Variants in UHRF1 observed in about 807,000 individuals in gnomAD.
The protein encoded by UHRF1 is ubiquitin like with PHD and ring finger domains 1, also known as E3 ubiquitin-protein ligase UHRF1.
UHRF1 carries 9 observed loss-of-function variants against 96.5 expected under a neutral mutation model. The ratio of observed to expected loss-of-function variants is 0.09; its 90% CI spans 0.06 to 0.16. The LOEUF (loss-of-function observed/expected upper bound fraction) is 0.16, where lower values mean the gene tolerates loss of function less well. UHRF1 is among the 10% of genes least tolerant of loss of function. The probability of loss-of-function intolerance (pLI) is 1.00; values close to 1 mark genes in which losing one functional copy is unlikely to be tolerated. For missense variants in UHRF1, 626 were observed against 1,131.1 expected (o/e 0.55, Z 6.40); for synonymous variants, 455 against 469.9 (o/e 0.97, Z 0.41).
chr19:4,919,540 G>T (rs2032634836), intron 2 of UHRF1, among the ~76,000 whole-genome samples: 1 of 151,904 alleles, frequency 6.6e-6, no homozygotes, highest in Non-Finnish European at 1.5e-5. Context: ...CTGACCTCAT[G>T]ATCCACCCGC....
intron 1 of UHRF1, among the ~76,000 whole-genome samples, chr19:4,904,184 T>C (rs1342124006): frequency 2.0e-5 from 3 of 150,916 alleles, no homozygotes; most frequent in African/African-American, 7.4e-5. Flanking sequence ...TTTTTGTTTT[T>C]GTTTTTTTTT....
chr19:4,924,972 G>A (rs570515597), intron 2 of UHRF1, among the ~76,000 whole-genome samples: 3 of 151,754 alleles, frequency 2.0e-5, no homozygotes, highest in East Asian at 3.9e-4. Context: ...GACTACAGGC[G>A]CGTGCCACCA....
Position 4,950,562 on chromosome 19 carries a change from G to C in UHRF1, c.1518-49G>C, listed in dbSNP as rs760194914. The C allele has an allele frequency of 4.5e-6, 7 of 1,567,688 alleles. No homozygotes were observed. The South Asian group carries it at 5.9e-5, about 13-fold the overall frequency. The stretch of plus-strand genomic sequence containing the variant: ...CCCGGCTCCTGTGTTTCCTTTTTTG[G>C]GGGGTACATCCTCACCTATAATGCG... On this transcript the variant is annotated intron_variant, in intron 11 of 16. Coordinates refer to ENST00000650932, the MANE Select transcript of UHRF1 (RefSeq NM_001048201.3).
intron 9 of UHRF1, 111 bp downstream of exon 9, chr19:4,944,561 C>A (rs2033507562): frequency 1.0e-5 from 12 of 1,172,672 alleles, no homozygotes; most frequent in South Asian, 1.3e-5. Flanking sequence ...ACCAGTGGTG[C>A]CTCGGCTAGC....
intron 7 of UHRF1, among the ~76,000 whole-genome samples, chr19:4,942,879 A>G (rs980273342): frequency 3.9e-5 from 6 of 152,142 alleles, no homozygotes; most frequent in African/African-American, 1.2e-4. Flanking sequence ...TCGAGGGTGC[A>G]GTGAACTGTG....
Position 4,954,875 on chromosome 19 carries a change from T to C in UHRF1, c.2130+53T>C, listed in dbSNP as rs992358280. Reference sequence around the variant, plus strand: ...CTGATTTGCGTTGACTGCGGTAAAATGTGTGGGGCTTGTTTCCCATGTTCC... The same window carrying C: ...CTGATTTGCGTTGACTGCGGTAAAACGTGTGGGGCTTGTTTCCCATGTTCC... On this transcript the variant is annotated intron_variant, in intron 15 of 16. Transcript: ENST00000650932. This position sits in a 1 kb window ranked among gnomAD's most constrained non-coding sequence, Gnocchi z 5.9. The C allele has an allele frequency of 6.3e-6, 10 of 1,595,172 alleles. No individual in the cohort carries two copies. The East Asian group carries it at 9.0e-5, about 14-fold the overall frequency.
rs2292148 is a variant in UHRF1, at chr19:4,941,780, G to A, written c.922G>A (p.Asp308Asn). Reference sequence around the variant, plus strand: ...GCCGTCCTGCAAGCACTGCAAGGACGACGTGAACAGACTCTGCCGGGTCTG... The same window carrying A: ...GCCGTCCTGCAAGCACTGCAAGGACAACGTGAACAGACTCTGCCGGGTCTG... The part of the protein sequence containing the change: ...SGPSCKHCKD[D>N]VNRLCRVCAC... The change falls in exon 7 of 17, where the codon GAC (aspartate) becomes AAC (asparagine). Residue 308 changes from aspartate (D) to asparagine (N), a missense_variant. Asp to Asn is a conservative substitution (Grantham distance 23). Coordinates refer to ENST00000650932, the MANE Select transcript of UHRF1 (RefSeq NM_001048201.3). The A allele has an allele frequency of 3.9e-4, 615 of 1,567,310 alleles. 7 individuals are homozygous for A. The East Asian group carries it at 0.011, about 27-fold the overall frequency.
At chr19:4,910,703 T>G in intron 1 of UHRF1, 173 bp from the exon 2 acceptor site, 1 of 581,676 alleles carries the variant, frequency 1.7e-6, no homozygotes, top group Non-Finnish European at 2.8e-6. Flanking sequence ...AAGTGCTTAA[T>G]TTGTTGTGTC....
At chr19:4,959,000 C>A (rs1479748972) in intron 16 of UHRF1, among the ~76,000 whole-genome samples, 1 of 150,318 alleles carries the variant, frequency 6.7e-6, no homozygotes, top group Non-Finnish European at 1.5e-5. Context: ...CATTCAGAGA[C>A]AGCATCTCAC....
rs1163844483 is a variant in UHRF1 at position 4,954,341 on chromosome 19, C to T, written c.1819-9C>T. On this transcript the variant is annotated splice_polypyrimidine_tract_variant and intron_variant, in intron 13 of 16. Coordinates refer to ENST00000650932, the MANE Select transcript of UHRF1 (RefSeq NM_001048201.3). This position sits in a 1 kb window ranked among gnomAD's most constrained non-coding sequence, Gnocchi z 5.9. Reference sequence around the variant, plus strand: ...GCCTGACTCACGGCTGTCCCTCTTCCTCCTGAAGTATCCAGAAGGCTACCT... The same window carrying T: ...GCCTGACTCACGGCTGTCCCTCTTCTTCCTGAAGTATCCAGAAGGCTACCT... 6.2e-7 allele frequency: 1 copy of T among 1,611,354 alleles called. No homozygotes were observed. The highest frequency in any genetic ancestry group is 8.5e-7 in the Non-Finnish European group (1 of 1,179,376).
At chr19:4,912,503 A>C (rs926077856) in intron 2 of UHRF1, among the ~76,000 whole-genome samples, 2 of 152,148 alleles carry the variant, frequency 1.3e-5, no homozygotes, top group African/African-American at 4.8e-5. Context: ...CCGAGCTAGC[A>C]TTTTAACTTT....
chr19:4,916,187 T>C (rs944251040), intron 2 of UHRF1, among the ~76,000 whole-genome samples: 1 of 151,886 alleles, frequency 6.6e-6, no homozygotes, highest in African/African-American at 2.4e-5. Flanking sequence ...ATGCCTGTAG[T>C]CCTAGCTACT....
intron 4 of UHRF1, 60 bp from the exon 5 acceptor site, chr19:4,932,681 C>T (rs769064163): frequency 6.3e-7 from 1 of 1,586,038 alleles, no homozygotes; most frequent in Non-Finnish European, 8.6e-7. Context: ...GGCTCGTTTC[C>T]CATTGAGGGA....
chr19:4,941,684 C>G, intron 6 of UHRF1, 56 bp downstream of exon 6: 1 of 1,574,096 alleles, frequency 6.4e-7, no homozygotes, highest in Non-Finnish European at 8.6e-7. Flanking sequence ...GGCGGGGGCT[C>G]TTGTCCCGTC....
rs17887222 is a variant in UHRF1, at chr19:4,934,276, C to T, written c.785+1320C>T. On this transcript the variant is annotated intron_variant, in intron 5 of 16. Coordinates refer to ENST00000650932, the MANE Select transcript of UHRF1 (RefSeq NM_001048201.3). ...CTCGAACTCCTGACCTCAAGTGATT[C>T]GCCCGCCTCAGCCTCCCACAGTGCT... is the stretch of plus-strand genomic sequence containing the variant. Among the ~76,000 whole-genome samples the T allele has an allele frequency of 2.6e-3, 401 of 152,182 alleles. 2 individuals carry two copies. The highest frequency in any genetic ancestry group is 8.9e-3 in the African/African-American group (371 of 41,522).
chr19:4,922,199 G>A (rs1399755998), intron 2 of UHRF1, among the ~76,000 whole-genome samples: 3 of 151,434 alleles, frequency 2.0e-5, no homozygotes, highest in African/African-American at 4.9e-5. Flanking sequence ...TGCCTGCCTC[G>A]GCCTCCCAAA....
At chr19:4,957,738 C>T (rs140080905) in intron 16 of UHRF1, among the ~76,000 whole-genome samples, 237 of 152,304 alleles carry the variant, frequency 1.6e-3, no homozygotes, top group African/African-American at 5.4e-3. Flanking sequence ...TGCTGAGCAG[C>T]ATCCCCGGCC....
chr19:4,939,796 G>A (rs980792714), intron 5 of UHRF1, among the ~76,000 whole-genome samples: 49 of 152,136 alleles, frequency 3.2e-4, no homozygotes, highest in African/African-American at 9.9e-4. Context: ...GGGCCGAGGT[G>A]GGCGGATCAC....
At chr19:4,922,059 G>T (rs538386578) in intron 2 of UHRF1, among the ~76,000 whole-genome samples, 20 of 152,224 alleles carry the variant, frequency 1.3e-4, no homozygotes, top group African/African-American at 4.8e-4. Flanking sequence ...CTATTCTCCT[G>T]CCTTAGCCTC....
Sources: gnomAD v4.1 joint callset for allele counts (sites outside exome capture counted in the v4.1 genomes callset) on GRCh38, gnomAD v4.1.1 for gene constraint, Gnocchi (gnomAD v3.1) non-coding constraint, MANE v1.5 for transcripts, NCBI Gene and HGNC (gene_info 2026-07-23, HGNC 2026-07-21) for gene names.